TMPPE: variants seen among roughly 807,000 people sequenced by gnomAD.
TMPPE encodes transmembrane protein with metallophosphoesterase domain.
A neutral mutation model predicts 22.6 loss-of-function variants in TMPPE; 16 were observed. That is an observed-to-expected ratio of 0.71 (90% CI 0.48 to 1.08). TMPPE has a LOEUF of 1.08. Among genes scored for constraint, TMPPE ranks in the 50% least tolerant of loss-of-function variants. The probability of loss-of-function intolerance (pLI) is 0.00; values close to 1 mark genes in which losing one functional copy is unlikely to be tolerated. For synonymous variants in TMPPE, 240 were observed against 245.3 expected (o/e 0.98, Z 0.20); for missense variants, 526 against 584.3 (o/e 0.90, Z 1.03).
chr3:33,095,721 C>T (rs546867641), intron 1 of TMPPE, among the ~76,000 whole-genome samples: 3 of 152,332 alleles, frequency 2.0e-5, no homozygotes, highest in Admixed American at 2.0e-4. Flanking sequence ...TCCCTACCCC[C>T]ACTCCCAGAT....
rs1218119503 is a variant in TMPPE at position 33,091,856 on chromosome 3, C to T, written c.*978G>A. 3.5e-5 allele frequency: 34 copies of T among 985,334 alleles called. No individual in the cohort carries two copies. The highest frequency in any genetic ancestry group is 5.2e-5 in the African/African-American group (3 of 57,224). 61.0% of individuals were successfully genotyped at this position (985,334 alleles called of 1,614,324 possible). On this transcript the variant is annotated 3_prime_UTR_variant, in exon 2 of 2. Transcript: ENST00000342462. ...CTTCTCAGTGAGGCCTTTTCTAACACGGGTGCTTATCTCCATCTCAGGATC... is the reference window on the plus strand; with the variant it reads ...CTTCTCAGTGAGGCCTTTTCTAACATGGGTGCTTATCTCCATCTCAGGATC...
At position 33,091,398 on chromosome 3, in the gene TMPPE, A is replaced by T. The variant is rs181498222; in HGVS notation, c.*1436T>A. On this transcript the variant is annotated 3_prime_UTR_variant, in exon 2 of 2. Transcript: ENST00000342462. ...CATGAGGGAAGGAAGGCAAACCCCTAGCAGTTGCTGCTTTGACACATCACC... is the reference window on the plus strand; with the variant it reads ...CATGAGGGAAGGAAGGCAAACCCCTTGCAGTTGCTGCTTTGACACATCACC... 6.1e-6 allele frequency: 6 copies of T among 985,530 alleles called. No homozygotes were observed. The African/African-American group carries it at 7.0e-5, about 11-fold the overall frequency. 61.0% of individuals were successfully genotyped at this position (985,530 alleles called of 1,614,324 possible).
At chr3:33,094,342 G>C (rs929283683) in intron 1 of TMPPE, 39 bp from the exon 2 acceptor site, 4 of 1,452,602 alleles carry the variant, frequency 2.8e-6, no homozygotes, top group South Asian at 1.5e-5. Flanking sequence ...TGGGATATTA[G>C]AGTGTCCTTG....
In TMPPE at chr3:33,093,910, C is replaced by A. The variant is rs1194062850; in HGVS notation, c.286G>T (p.Ala96Ser). Residue 96 changes from alanine to serine, a missense_variant, in exon 2 of 2, where the codon GCC becomes TCC. By Grantham distance (99) the Ala-to-Ser change is moderately conservative. Transcript: ENST00000342462. This position sits in a 1 kb window ranked among gnomAD's most constrained non-coding sequence, Gnocchi z 6.0. The stretch of plus-strand genomic sequence containing the variant: ...AACATGGTAAAGAAACTGGAATGGG[C>A]CAGGGCCAGAAATGCCAGAACCACC... ...KVVVLAFLAL[A>S]HSSFFTMFFL... 8.1e-6 allele frequency: 13 copies of A among 1,613,836 alleles called. No individual in the cohort carries two copies. Among genetic ancestry groups the A allele is most frequent in the African/African-American group, 1.3e-5 (1 of 74,934 alleles).
Position 33,091,050 on chromosome 3 carries a change from T to C in TMPPE, c.*1784A>G, listed in dbSNP as rs1331230442. ...GGTGAGTCAAACATTACCAGCCGCA[T>C]CAAACAGTGGAAGTGAAATGGCACC... On this transcript the variant is annotated 3_prime_UTR_variant, in exon 2 of 2. Transcript: ENST00000342462. The C allele has an allele frequency of 1.0e-5, 10 of 985,250 alleles. No homozygotes were observed. The highest frequency in any genetic ancestry group is 1.2e-5 in the Non-Finnish European group (10 of 829,942). 61.0% of individuals were successfully genotyped at this position (985,250 alleles called of 1,614,324 possible). A position where few individuals can be genotyped will look rare whatever the true frequency, so the allele number is the denominator to read the frequency against.
intron 1 of TMPPE, chr3:33,096,485 G>C (rs977750166): frequency 2.0e-6 from 2 of 985,062 alleles, no homozygotes; most frequent in African/African-American, 3.5e-5. Context: ...CAGGCGACGG[G>C]GAGTGGTGAG....
rs745464514 is a variant in TMPPE at position 33,094,118 on chromosome 3, G to C, written c.78C>G (p.Ala26=). The change falls in exon 2 of 2, where the codon GCC becomes GCG. Residue 26 remains alanine, a synonymous_variant. Coordinates refer to ENST00000342462, the MANE Select transcript of TMPPE (RefSeq NM_001039770.3). ...AAVTVFVSMI[A]SRSYLAESLE... Reference sequence around the variant, plus strand: ...GGCTCTCTGCCAGATACGAGCGGGAGGCGATCATGGACACGAAGACAGTGA... The same window carrying C: ...GGCTCTCTGCCAGATACGAGCGGGACGCGATCATGGACACGAAGACAGTGA... 1 of 1,614,208 alleles carries C rather than the reference G, an allele frequency of 6.2e-7. No homozygotes were observed.
Position 33,093,232 on chromosome 3 carries a change from C to G in TMPPE, c.964G>C (p.Gly322Arg), listed in dbSNP as rs1700846212. 1.2e-6 allele frequency: 2 copies of G among 1,614,002 alleles called. No individual in the cohort carries two copies. The highest frequency in any genetic ancestry group is 1.7e-5 in the Admixed American group (1 of 60,002). The change falls in exon 2 of 2, where the codon GGG becomes CGG. Residue 322 changes from glycine to arginine, a missense_variant. Gly to Arg is a moderately radical substitution (Grantham distance 125). Transcript: ENST00000342462. The surrounding 1 kb of genome is among the most constrained non-coding windows in gnomAD (Gnocchi z 6.0). ...CAGATCCAGTCCTCATCCTCACTCC[C>G]ACTGCCACTGCCACCACCACCACGT... ...AQRGGGGSGS[G>R]SEDEDWICLA...
At position 33,096,899 on chromosome 3, in the gene TMPPE, G is replaced by C; in HGVS notation, c.-289C>G. ...CCGCGAGCCTGCTGGGGGGCACTTC[G>C]GGGCTCAGGCTCCCCGCCCTGCGGG... is the stretch of plus-strand genomic sequence containing the variant. On this transcript the variant is annotated 5_prime_UTR_variant, in exon 1 of 2. Transcript: ENST00000342462. 8 of 1,504,702 alleles carry C rather than the reference G, an allele frequency of 5.3e-6. No homozygotes were observed. The highest frequency in any genetic ancestry group is 6.2e-6 in the Non-Finnish European group (7 of 1,124,814). The allele number at this position is 1,504,702 out of a possible 1,614,324, so 93.2% of individuals were successfully genotyped here.
intron 1 of TMPPE, chr3:33,096,408 A>G: frequency 3.6e-6 from 2 of 553,396 alleles, no homozygotes; most frequent in Non-Finnish European, 4.5e-6. Flanking sequence ...TCCCCCCCTC[A>G]ACCTGGACCC....
At position 33,092,277 on chromosome 3, in the gene TMPPE, G is replaced by T; in HGVS notation, c.*557C>A. ...TTTTGCTGATGCCCTCAATAGAGGT[G>T]ATCCTGATAGAATCAGAGGAAAAGA... On this transcript the variant is annotated 3_prime_UTR_variant, in exon 2 of 2. Transcript: ENST00000342462. 1 of 986,502 alleles carries T rather than the reference G, an allele frequency of 1.0e-6. No individual in the cohort carries two copies. Among genetic ancestry groups the T allele is most frequent in the Non-Finnish European group, 1.2e-6 (1 of 830,734 alleles). The allele number at this position is 986,502 out of a possible 1,614,324, so 61.1% of individuals were successfully genotyped here.
In TMPPE at chr3:33,092,506, C is replaced by A. The variant is rs1251226318; in HGVS notation, c.*328G>T. The A allele has an allele frequency of 4.6e-6, 5 of 1,088,312 alleles. No homozygotes were observed. The highest frequency in any genetic ancestry group is 5.8e-5 in the East Asian group (1 of 17,278). 67.4% of individuals were successfully genotyped at this position (1,088,312 alleles called of 1,614,324 possible). A position where few individuals can be genotyped will look rare whatever the true frequency, so the allele number is the denominator to read the frequency against. On this transcript the variant is annotated 3_prime_UTR_variant, in exon 2 of 2. Transcript: ENST00000342462. ...TTCTAGAGGTATGCCTTTCTAGCAA[C>A]CCCGAGGGGAGGTTCATCCCTGGGA...
intron 1 of TMPPE, 149 bp downstream of exon 1, chr3:33,096,570 C>T: frequency 9.7e-7 from 1 of 1,029,004 alleles, no homozygotes; most frequent in Non-Finnish European, 1.2e-6. Context: ...AAGGGCCTCT[C>T]CTGACCCCAT....
chr3:33,094,811 GTGC>G (rs1700936336), intron 1 of TMPPE, among the ~76,000 whole-genome samples: 1 of 152,162 alleles, frequency 6.6e-6, no homozygotes. Flanking sequence ...ATGTAAAACA[GTGC>G]AACTCTTCAC....
In TMPPE at chr3:33,095,210, C is replaced by CAA. The variant is rs71630565; in HGVS notation, c.-108-909_-108-908dup. 5.2e-3 allele frequency among the ~76,000 whole-genome samples: 391 copies of CAA among 75,782 alleles called. 4 individuals carry two copies. Among genetic ancestry groups the CAA allele is most frequent in the African/African-American group, 0.013 (242 of 18,314 alleles). The allele number at this position is 75,782 out of a possible 152,430, so 49.7% of individuals were successfully genotyped here. ...TGGGCAAAAGAGCGAGACTCTGTCTCAAAAAAAAAAAAAAAAAAAAAAAAA... is the reference window on the plus strand; with the variant it reads ...TGGGCAAAAGAGCGAGACTCTGTCTCAAAAAAAAAAAAAAAAAAAAAAAAAAA... On this transcript the variant is annotated intron_variant, in intron 1 of 1. Coordinates refer to ENST00000342462, the MANE Select transcript of TMPPE (RefSeq NM_001039770.3).
chr3:33,090,927 A>T lies in TMPPE; in HGVS notation c.*1907T>A, dbSNP rs971769160. On this transcript the variant is annotated 3_prime_UTR_variant, in exon 2 of 2. Transcript: ENST00000342462. ...AGAAAAGAGGTAAGGATGCAAAATT[A>T]AAAAAAAAATAGGACTTAATGAAAG... The T allele has an allele frequency of 5.9e-5, 53 of 901,410 alleles. No individual in the cohort carries two copies. Among genetic ancestry groups the T allele is most frequent in the South Asian group, 3.1e-4 (6 of 19,570 alleles). The allele number at this position is 901,410 out of a possible 1,614,324, so 55.8% of individuals were successfully genotyped here.
Position 33,093,700 on chromosome 3 carries a change from G to C in TMPPE, c.496C>G (p.Pro166Ala). 1 of 1,614,174 alleles carries C rather than the reference G, an allele frequency of 6.2e-7. No individual in the cohort carries two copies. The highest frequency in any genetic ancestry group is 1.1e-5 in the South Asian group (1 of 91,084). The change falls in exon 2 of 2, where the codon CCT becomes GCT. Residue 166 changes from proline to alanine, a missense_variant. Coordinates refer to ENST00000342462, the MANE Select transcript of TMPPE (RefSeq NM_001039770.3). This position sits in a 1 kb window ranked among gnomAD's most constrained non-coding sequence, Gnocchi z 6.0. ...LEKTRKLVLR[P>A]ALAVGVTAVL... is the part of the protein sequence containing the mutation. Reference sequence around the variant, plus strand: ...GCAGTCACTCCCACTGCCAGGGCAGGCCTGAGCACGAGCTTCCTTGTCTTC... The same window carrying C: ...GCAGTCACTCCCACTGCCAGGGCAGCCCTGAGCACGAGCTTCCTTGTCTTC...
Position 33,093,641 on chromosome 3 carries a change from C to T in TMPPE, c.555G>A (p.Ala185=), listed in dbSNP as rs372873177. Residue 185 remains alanine (A), a synonymous_variant, in exon 2 of 2, where the codon GCG becomes GCA. Coordinates refer to ENST00000342462, the MANE Select transcript of TMPPE (RefSeq NM_001039770.3). This position sits in a 1 kb window ranked among gnomAD's most constrained non-coding sequence, Gnocchi z 6.0. ...CCACAGTTTTCACAGCCGGGGGCTG[C>T]GCGGCATTCAGAATCCCGGCCACGC... ...VLSVAGILNA[A]QPPAVKTVEV... 41 of 1,614,008 alleles carry T rather than the reference C, an allele frequency of 2.5e-5. No homozygotes were observed. Among genetic ancestry groups the T allele is most frequent in the South Asian group, 7.7e-5 (7 of 91,090 alleles).
chr3:33,093,302 C>T lies in TMPPE; in HGVS notation c.894G>A (p.Gln298=). The T allele has an allele frequency of 6.2e-7, 1 of 1,614,194 alleles. No individual in the cohort carries two copies. The highest frequency in any genetic ancestry group is 8.5e-7 in the Non-Finnish European group (1 of 1,180,046). Reference sequence around the variant, plus strand: ...TCTTCACGTTCTCATTATGAAGAGGCTGGACATGCAGGGATTCCAGAAGTG... The same window carrying T: ...TCTTCACGTTCTCATTATGAAGAGGTTGGACATGCAGGGATTCCAGAAGTG... ...WFALLESLHV[Q]PLHNENVKIS... The change falls in exon 2 of 2, where the codon CAG becomes CAA. Residue 298 remains glutamine, a synonymous_variant. Coordinates refer to ENST00000342462, the MANE Select transcript of TMPPE (RefSeq NM_001039770.3). This position sits in a 1 kb window ranked among gnomAD's most constrained non-coding sequence, Gnocchi z 6.0.
Sources: gnomAD v4.1 joint callset for allele counts (sites outside exome capture counted in the v4.1 genomes callset) on GRCh38, gnomAD v4.1.1 for gene constraint, Gnocchi (gnomAD v3.1) non-coding constraint, MANE v1.5 for transcripts, NCBI Gene and HGNC (gene_info 2026-07-23, HGNC 2026-07-21) for gene names.